Variants in TBC1D14 observed in about 807,000 individuals in gnomAD.
The protein encoded by TBC1D14 is TBC1 domain family, member 14.
TBC1D14 carries 26 observed loss-of-function variants against 79.0 expected under a neutral mutation model. The ratio of observed to expected loss-of-function variants is 0.33; its 90% CI spans 0.24 to 0.46. The LOEUF is 0.46. Among genes scored for constraint, TBC1D14 ranks in the 20% least tolerant of loss-of-function variants. The pLI is 1.00. For missense variants in TBC1D14, 769 were observed against 887.6 expected (o/e 0.87, Z 1.70); for synonymous variants, 394 against 349.9 (o/e 1.13, Z -1.40).
chr4:6,936,060 CT>C (rs1712293552), intron 2 of TBC1D14, among the ~76,000 whole-genome samples: 1 of 152,144 alleles, frequency 6.6e-6, no homozygotes, highest in African/African-American at 2.4e-5. Context: ...CATGTATCTC[CT>C]TTTTACCCTC....
chr4:6,992,392 A>G (rs1279706499), intron 3 of TBC1D14, among the ~76,000 whole-genome samples: 1 of 152,220 alleles, frequency 6.6e-6, no homozygotes. Context: ...TGCTGGCTGT[A>G]TGCTTCAGGC....
At chr4:6,917,080 C>T (rs568724955) in intron 1 of TBC1D14, among the ~76,000 whole-genome samples, 3 of 152,334 alleles carry the variant, frequency 2.0e-5, no homozygotes, top group South Asian at 4.1e-4. Flanking sequence ...TGCTGGTGTG[C>T]ACTCTCCGGG....
intron 13 of TBC1D14, among the ~76,000 whole-genome samples, chr4:7,028,200 G>T (rs568695606): frequency 1.3e-5 from 2 of 151,444 alleles, no homozygotes; most frequent in East Asian, 4.2e-4. Flanking sequence ...ACAGGTGCAG[G>T]TCAGTCCCTG....
chr4:6,981,022 C>CTTTT (rs761834899), intron 3 of TBC1D14, among the ~76,000 whole-genome samples: 2 of 128,128 alleles, frequency 1.6e-5, no homozygotes, highest in South Asian at 2.5e-4. Flanking sequence ...GCCTCTGTCT[C>CTTTT]TTTTTTTTTT....
chr4:6,944,296 G>C (rs532205398), intron 2 of TBC1D14, among the ~76,000 whole-genome samples: 1 of 152,066 alleles, frequency 6.6e-6, no homozygotes, highest in Non-Finnish European at 1.5e-5. Flanking sequence ...AAACGTGTTC[G>C]TATGCTTATT....
At chr4:7,022,218 C>T (rs754879826) in intron 12 of TBC1D14, among the ~76,000 whole-genome samples, 8 of 152,208 alleles carry the variant, frequency 5.3e-5, no homozygotes, top group East Asian at 3.9e-4. Context: ...TGGCTTAGGA[C>T]GGTGCAGAGC....
At chr4:6,954,431 A>G (rs562530686) in intron 2 of TBC1D14, 44 of 716,102 alleles carry the variant, frequency 6.1e-5, no homozygotes, top group Admixed American at 5.8e-4. Context: ...ACAGCATGTG[A>G]CCGTCGGCCT....
intron 4 of TBC1D14, among the ~76,000 whole-genome samples, chr4:6,994,708 A>G (rs940220159): frequency 1.3e-5 from 2 of 152,084 alleles, no homozygotes; most frequent in African/African-American, 4.8e-5. Flanking sequence ...TACTAAAAAT[A>G]CAAAAAAATA....
Position 7,014,504 on chromosome 4 carries a change from A to G in TBC1D14, c.1704A>G (p.Leu568=). 1.2e-6 allele frequency: 2 copies of G among 1,613,990 alleles called. No individual in the cohort carries two copies. Among genetic ancestry groups the G allele is most frequent in the Non-Finnish European group, 1.7e-6 (2 of 1,179,900 alleles). ...EVFFEENLPK[L]FAHFKKNNLT... ...TCTTTGAAGAAAATTTGCCGAAATTATTTGCGCATTTCAAGAAGAACAACC... is the reference window on the plus strand; with the variant it reads ...TCTTTGAAGAAAATTTGCCGAAATTGTTTGCGCATTTCAAGAAGAACAACC... Residue 568 remains leucine (L), a synonymous_variant, in exon 12 of 14, where the codon TTA becomes TTG. Transcript: ENST00000409757.
At chr4:6,992,715 T>G (rs1412297729) in intron 3 of TBC1D14, among the ~76,000 whole-genome samples, 2 of 152,234 alleles carry the variant, frequency 1.3e-5, no homozygotes, top group African/African-American at 4.8e-5. Flanking sequence ...ATTGGAGACT[T>G]TGACATTCAG....
intron 12 of TBC1D14, among the ~76,000 whole-genome samples, chr4:7,021,297 A>T (rs933601734): frequency 3.3e-5 from 5 of 152,344 alleles, no homozygotes; most frequent in African/African-American, 1.2e-4. Flanking sequence ...GTTTAGCGAC[A>T]TAGAAATATA....
intron 2 of TBC1D14, among the ~76,000 whole-genome samples, chr4:6,950,588 G>A (rs1389488588): frequency 3.5e-5 from 1 of 28,798 alleles, no homozygotes; most frequent in Non-Finnish European, 7.9e-5. Context: ...ACCTTTATTA[G>A]ATAAGGAAGT....
chr4:6,923,772 C>G lies in TBC1D14; in HGVS notation c.383C>G (p.Ser128Cys). 1.2e-6 allele frequency: 2 copies of G among 1,614,130 alleles called. No individual in the cohort carries two copies. Among genetic ancestry groups the G allele is most frequent in the Non-Finnish European group, 1.7e-6 (2 of 1,180,050 alleles). ...CGGGAACAGAGCGTGCGCAAATCCT[C>G]CACGTTTCCCAGGACAGGCTATGAC... is the stretch of plus-strand genomic sequence containing the variant. ...TEREQSVRKS[S>C]TFPRTGYDSV... Residue 128 changes from serine (S) to cysteine (C), a missense_variant, in exon 2 of 14, where the codon TCC becomes TGC. Ser to Cys is a moderately radical substitution (Grantham distance 112). Around this residue, in one of 2 missense-constraint regions of TBC1D14, gnomAD observed 402 missense variants for 393.2 expected, o/e 1.02. Transcript: ENST00000409757.
intron 13 of TBC1D14, among the ~76,000 whole-genome samples, chr4:7,029,606 C>T (rs1223896388): frequency 6.6e-6 from 1 of 152,262 alleles, no homozygotes. Flanking sequence ...GCGGGCGTAT[C>T]ATGAGGTCAG....
At chr4:7,006,515 C>A in intron 8 of TBC1D14, 117 bp from the exon 9 acceptor site, 2 of 718,214 alleles carry the variant, frequency 2.8e-6, no homozygotes, top group Non-Finnish European at 4.7e-6. Context: ...GTGATTAGGT[C>A]AGTGTGCTTC....
chr4:7,027,571 C>T (rs576106932), intron 13 of TBC1D14, among the ~76,000 whole-genome samples: 61 of 146,886 alleles, frequency 4.2e-4, no homozygotes, highest in African/African-American at 1.3e-3. Flanking sequence ...TCACCCGACA[C>T]GCACATCACA....
chr4:6,951,335 C>T (rs1418304165), intron 2 of TBC1D14, among the ~76,000 whole-genome samples: 1 of 151,922 alleles, frequency 6.6e-6, no homozygotes, highest in South Asian at 2.1e-4. Flanking sequence ...AAAAAACCCT[C>T]ATAGAACTGT....
intron 13 of TBC1D14, 94 bp downstream of exon 13, chr4:7,025,356 A>G: frequency 1.3e-6 from 2 of 1,544,202 alleles, no homozygotes; most frequent in Non-Finnish European, 1.7e-6. Context: ...CTGAGGACGT[A>G]GCCCCTTTGA....
intron 3 of TBC1D14, among the ~76,000 whole-genome samples, chr4:6,980,916 C>T (rs553617581): frequency 9.9e-5 from 15 of 151,774 alleles, no homozygotes; most frequent in East Asian, 3.9e-4. Context: ...GGGGTTTCAC[C>T]GTGTTAGCCA....
Sources: allele counts gnomAD v4.1 joint callset (sites outside exome capture counted in the v4.1 genomes callset), GRCh38; gene constraint gnomAD v4.1.1; regional missense constraint gnomAD v4.1.1; transcripts MANE v1.5; gene names NCBI Gene and HGNC (gene_info 2026-07-23, HGNC 2026-07-21).